COLEC10: variants seen among roughly 807,000 people sequenced by gnomAD.
COLEC10 encodes collectin-10.
Under a neutral mutation model 28.4 loss-of-function variants are expected in COLEC10, and 22 were observed. The ratio of observed to expected loss-of-function variants is 0.78; its 90% CI spans 0.55 to 1.11. The LOEUF (loss-of-function observed/expected upper bound fraction) is 1.11, where lower values mean the gene tolerates loss of function less well. Ranked by LOEUF, COLEC10 falls within the 50% of genes least tolerant of loss-of-function variation. COLEC10 has a pLI of 0.00. For synonymous variants in COLEC10, 125 were observed against 116.1 expected (o/e 1.08, Z -0.49); for missense variants, 361 against 344.1 (o/e 1.05, Z -0.39).
intron 3 of COLEC10, among the ~76,000 whole-genome samples, chr8:119,097,497 G>A (rs1482731984): frequency 3.3e-5 from 5 of 151,980 alleles, no homozygotes; most frequent in African/African-American, 9.7e-5. Flanking sequence ...AGTGAATTTT[G>A]TAATGTGCAA....
intron 1 of COLEC10, among the ~76,000 whole-genome samples, chr8:119,082,036 TAAC>T (rs1815380254): frequency 1.3e-5 from 2 of 151,954 alleles, no homozygotes; most frequent in Admixed American, 1.3e-4. Flanking sequence ...AGATGTAAAA[TAAC>T]AGCAGCAGGG....
intron 3 of COLEC10, 113 bp from the exon 4 acceptor site, chr8:119,102,235 C>CTTTTTTTT: frequency 3.0e-6 from 1 of 329,308 alleles, no homozygotes. Flanking sequence ...TCCCTCCCTC[C>CTTTTTTTT]CTCCCTCCTT....
upstream of COLEC10, among the ~76,000 whole-genome samples, chr8:118,994,709 G>A (rs1813561740): frequency 1.3e-5 from 2 of 152,156 alleles, no homozygotes; most frequent in African/African-American, 4.8e-5. Flanking sequence ...CACACACAGA[G>A]GGTCTCAGAG....
At chr8:119,024,383 A>G (rs1336350100) in intron 2 of COLEC10, among the ~76,000 whole-genome samples, 1 of 152,170 alleles carries the variant, frequency 6.6e-6, no homozygotes, top group East Asian at 1.9e-4. Context: ...ATGAGATTTC[A>G]GTAGTTTTCT....
chr8:119,047,028 C>T (rs998526128), intron 2 of COLEC10, among the ~76,000 whole-genome samples: 1 of 152,064 alleles, frequency 6.6e-6, no homozygotes, highest in Non-Finnish European at 1.5e-5. Flanking sequence ...AAAAACATAC[C>T]CTTGCAAAAT....
Position 119,000,745 on chromosome 8 carries a change from A to G in COLEC10, n.122+5172A>G, listed in dbSNP as rs73709522. Among the ~76,000 whole-genome samples the G allele has an allele frequency of 1.8e-3, 267 of 152,336 alleles. 2 individuals are homozygous for G. Among genetic ancestry groups the G allele is most frequent in the African/African-American group, 6.0e-3 (251 of 41,584 alleles). On this transcript the variant is annotated intron_variant and non_coding_transcript_variant, in intron 1 of 6. Coordinates refer to the COLEC10 transcript ENST00000521788. Reference sequence around the variant, plus strand: ...GTGATATTTTAAAAATGGGCCAGTTATTAGGGAGAACAAGTTTCATATACG... The same window carrying G: ...GTGATATTTTAAAAATGGGCCAGTTGTTAGGGAGAACAAGTTTCATATACG...
At chr8:119,102,985 A>G (rs1310429312) in intron 4 of COLEC10, among the ~76,000 whole-genome samples, 1 of 152,198 alleles carries the variant, frequency 6.6e-6, no homozygotes, top group Non-Finnish European at 1.5e-5. Flanking sequence ...ATTTCATATG[A>G]ATATGGATAC....
At chr8:119,070,948 C>T (rs1018817074) in intron 1 of COLEC10, among the ~76,000 whole-genome samples, 5 of 152,100 alleles carry the variant, frequency 3.3e-5, no homozygotes, top group African/African-American at 1.2e-4. Context: ...TCCAGCGGGG[C>T]CAAGGGAAGT....
chr8:119,044,724 T>C (rs1456553819), intron 2 of COLEC10, among the ~76,000 whole-genome samples: 1 of 151,626 alleles, frequency 6.6e-6, no homozygotes, highest in African/African-American at 2.4e-5. Context: ...GCGTGGTGGC[T>C]CACGTCTGTA....
At chr8:119,015,807 C>G (rs1035275416) in intron 2 of COLEC10, among the ~76,000 whole-genome samples, 2 of 152,150 alleles carry the variant, frequency 1.3e-5, no homozygotes, top group Admixed American at 6.6e-5. Flanking sequence ...GTTATAACTT[C>G]TTGTTAGGAC....
chr8:118,968,817 A>T, the COLEC10 span, among the ~76,000 whole-genome samples: 10,414 of 151,232 alleles, frequency 0.069, 632 homozygotes, highest in East Asian at 0.17. Flanking sequence ...TTCCCCTCCC[A>T]GTGTCCATGT....
chr8:119,043,607 T>C (rs1814534859), intron 2 of COLEC10, among the ~76,000 whole-genome samples: 1 of 152,254 alleles, frequency 6.6e-6, no homozygotes, highest in Admixed American at 6.5e-5. Flanking sequence ...TTGCTTTCTT[T>C]TTAAAGTTAA....
chr8:119,031,819 T>G (rs1302884296), intron 2 of COLEC10, among the ~76,000 whole-genome samples: 1 of 152,232 alleles, frequency 6.6e-6, no homozygotes, highest in African/African-American at 2.4e-5. Context: ...TTAATTCAAC[T>G]TGCAATGAAA....
chr8:119,025,400 G>T (rs1489904196), intron 2 of COLEC10, among the ~76,000 whole-genome samples: 1 of 152,148 alleles, frequency 6.6e-6, no homozygotes, highest in Admixed American at 6.5e-5. Context: ...TTTCAGAAAT[G>T]GATTCTGTGC....
At chr8:119,037,801 A>T (rs1188163389) in intron 2 of COLEC10, among the ~76,000 whole-genome samples, 1 of 152,152 alleles carries the variant, frequency 6.6e-6, no homozygotes, top group African/African-American at 2.4e-5. Flanking sequence ...GTGTAAATCT[A>T]GGCTATTATT....
rs570410851 is a variant in COLEC10, at chr8:119,038,451, T to C, written n.235+28898T>C. 1.4e-3 allele frequency among the ~76,000 whole-genome samples: 207 copies of C among 152,326 alleles called. 1 individual carries two copies. The highest frequency in any genetic ancestry group is 2.1e-3 in the Non-Finnish European group (145 of 68,040). On this transcript the variant is annotated intron_variant and non_coding_transcript_variant, in intron 2 of 6. Coordinates refer to the COLEC10 transcript ENST00000521788. ...GTAATTTTGGAAAAAGGGAAGACCA[T>C]AGTGTGAACAAACAGTCTTCTTTTA...
At chr8:119,018,490 C>T (rs1814032537) in intron 2 of COLEC10, among the ~76,000 whole-genome samples, 1 of 152,188 alleles carries the variant, frequency 6.6e-6, no homozygotes, top group Non-Finnish European at 1.5e-5. Flanking sequence ...TTGCTATTTA[C>T]AGGGCTGTTA....
intron 2 of COLEC10, among the ~76,000 whole-genome samples, chr8:119,029,567 G>A (rs10464824): frequency 0.044 from 6,712 of 152,134 alleles, 215 homozygotes; most frequent in East Asian, 0.16. Flanking sequence ...TCACACTCAC[G>A]TTTAGATGGA....
chr8:119,028,679 G>C (rs1419139414), intron 2 of COLEC10, among the ~76,000 whole-genome samples: 1 of 152,132 alleles, frequency 6.6e-6, no homozygotes, highest in Admixed American at 6.5e-5. Flanking sequence ...TGGGGACACA[G>C]TCAAGCCATA....
Sources: allele counts gnomAD v4.1 joint callset (sites outside exome capture counted in the v4.1 genomes callset), GRCh38; gene constraint gnomAD v4.1.1; transcripts MANE v1.5; gene names NCBI Gene and HGNC (gene_info 2026-07-23, HGNC 2026-07-21).